Variants in AKR1C3 observed in about 807,000 individuals in gnomAD.
The protein encoded by AKR1C3 is aldo-keto reductase family 1 member C3.
A neutral mutation model predicts 43.6 loss-of-function variants in AKR1C3; 48 were observed. The observed-to-expected ratio is 1.10, with a 90% CI of 0.87 to 1.40. AKR1C3 has a LOEUF of 1.40. Among genes scored for constraint, AKR1C3 ranks in the 40% most tolerant of loss-of-function variants. The probability of loss-of-function intolerance (pLI) is 0.00; values close to 1 mark genes in which losing one functional copy is unlikely to be tolerated. For missense variants in AKR1C3, 482 were observed against 391.2 expected (o/e 1.23, Z -1.96); for synonymous variants, 162 against 139.6 (o/e 1.16, Z -1.13).
rs782364623 is a variant in AKR1C3, at chr10:5,105,570, AAT to A, written c.847-23_847-22del. 3.3e-5 allele frequency: 53 copies of A among 1,589,456 alleles called. No homozygotes were observed. In the South Asian group the frequency reaches 5.5e-4, roughly 16 times the overall value. ...GATTCACAACTGGCAATCTAAAAAT[AAT>A]AAAAGTTTTTTATTTCTGATAGGTT... On this transcript the variant is annotated intron_variant, in intron 7 of 8. Coordinates refer to ENST00000380554, the MANE Select transcript of AKR1C3 (RefSeq NM_003739.6).
intron 1 of AKR1C3, among the ~76,000 whole-genome samples, chr10:5,074,903 C>T (rs1229248493): frequency 6.6e-6 from 1 of 152,170 alleles, no homozygotes; most frequent in Non-Finnish European, 1.5e-5. Context: ...ATGTAAAATG[C>T]AGAGTCCCCA....
intron 6 of AKR1C3, 54 bp downstream of exon 6, chr10:5,102,264 T>C: frequency 6.3e-7 from 1 of 1,583,362 alleles, no homozygotes; most frequent in East Asian, 2.2e-5. Flanking sequence ...GAAAATTTTT[T>C]AGTCAGAGCA....
At chr10:5,053,883 C>G (rs1267718920) in intron 1 of AKR1C3, among the ~76,000 whole-genome samples, 2 of 152,196 alleles carry the variant, frequency 1.3e-5, no homozygotes, top group Non-Finnish European at 2.9e-5. Context: ...GTAAGACCAT[C>G]TGTAGCTTGA....
At chr10:5,072,763 T>C (rs1381947654) in intron 1 of AKR1C3, among the ~76,000 whole-genome samples, 1 of 152,164 alleles carries the variant, frequency 6.6e-6, no homozygotes, top group Non-Finnish European at 1.5e-5. Flanking sequence ...AAAAGAATGT[T>C]TGAAAGAATG....
intron 1 of AKR1C3, among the ~76,000 whole-genome samples, chr10:5,085,912 G>A (rs1315133648): frequency 4.6e-5 from 7 of 151,682 alleles, no homozygotes; most frequent in East Asian, 1.9e-4. Flanking sequence ...CTGAGGGATC[G>A]GTGGTGATAT....
At chr10:5,104,743 ATATCATTAATTT>A (rs1839456471) in intron 7 of AKR1C3, among the ~76,000 whole-genome samples, 1 of 152,138 alleles carries the variant, frequency 6.6e-6, no homozygotes, top group Non-Finnish European at 1.5e-5. Context: ...TTTAATATAT[ATATCATTAATTT>A]TATAACATTC....
intron 1 of AKR1C3, among the ~76,000 whole-genome samples, chr10:5,087,148 GT>G (rs1838984531): frequency 6.6e-6 from 1 of 152,178 alleles, no homozygotes; most frequent in African/African-American, 2.4e-5. Flanking sequence ...AGTTGATGCA[GT>G]TTCTTCCTAG....
At chr10:5,051,103 T>C (rs1156872277) in intron 1 of AKR1C3, among the ~76,000 whole-genome samples, 1 of 152,202 alleles carries the variant, frequency 6.6e-6, no homozygotes, top group East Asian at 1.9e-4. Context: ...TTTTGTTGTT[T>C]GTTTGTTTTG....
At chr10:5,104,973 TAG>T (rs1267340694) in intron 7 of AKR1C3, among the ~76,000 whole-genome samples, 1 of 152,114 alleles carries the variant, frequency 6.6e-6, no homozygotes, top group Non-Finnish European at 1.5e-5. Flanking sequence ...GTATCACTAT[TAG>T]AGTGATTTAG....
At chr10:5,061,366 T>C (rs1838379595) in intron 1 of AKR1C3, among the ~76,000 whole-genome samples, 3 of 152,096 alleles carry the variant, frequency 2.0e-5, no homozygotes, top group Admixed American at 6.5e-5. Context: ...ATGAGGGCTA[T>C]TGACAGGATG....
intron 5 of AKR1C3, among the ~76,000 whole-genome samples, chr10:5,100,456 C>T (rs1839319207): frequency 6.6e-6 from 1 of 152,154 alleles, no homozygotes; most frequent in Non-Finnish European, 1.5e-5. Context: ...TGTTTAAACA[C>T]ATCTATTCTA....
chr10:5,059,917 C>T (rs1308292831), intron 1 of AKR1C3, among the ~76,000 whole-genome samples: 4 of 151,460 alleles, frequency 2.6e-5, no homozygotes, highest in Non-Finnish European at 5.9e-5. Context: ...GTGAGTGTTA[C>T]AGTTCTTAAA....
rs548387990 is a variant in AKR1C3, at chr10:5,059,922, C to G, written c.84+11027C>G. ...GACCCTCGCAGTGAGTGTTACAGTT[C>G]TTAAAGGCAGCATGTCTGGAGTTTT... On this transcript the variant is annotated intron_variant, in intron 1 of 8. Transcript: ENST00000439082. Among the ~76,000 whole-genome samples, 10 of 151,478 alleles carry G rather than the reference C, an allele frequency of 6.6e-5. No homozygotes were observed. In the South Asian group the frequency reaches 1.9e-3, roughly 28 times the overall value.
chr10:5,049,300 G>A (rs79930454), intron 1 of AKR1C3, among the ~76,000 whole-genome samples: 5,640 of 152,158 alleles, frequency 0.037, 365 homozygotes, highest in African/African-American at 0.13. Flanking sequence ...AAGAATTTTT[G>A]TGGCAAAATT....
In AKR1C3 at chr10:5,107,564, C is replaced by G. The variant is rs374107060; in HGVS notation, c.*61C>G. 1,723 of 1,346,412 alleles carry G rather than the reference C, an allele frequency of 1.3e-3. 7 individuals carry two copies. Among genetic ancestry groups the G allele is most frequent in the South Asian group, 5.7e-3 (474 of 83,348 alleles). 83.4% of individuals were successfully genotyped at this position (1,346,412 alleles called of 1,614,324 possible). On this transcript the variant is annotated 3_prime_UTR_variant, in exon 9 of 9. Coordinates refer to ENST00000380554, the MANE Select transcript of AKR1C3 (RefSeq NM_003739.6). ...TGTGTGTGGATGGTGACGCAGAGGA[C>G]GTCTCTATGCCGGTGACTGGACATA...
intron 5 of AKR1C3, among the ~76,000 whole-genome samples, chr10:5,100,302 AAG>A (rs1190167705): frequency 1.3e-5 from 2 of 152,210 alleles, no homozygotes; most frequent in Non-Finnish European, 2.9e-5. Context: ...CTCAAAAAAA[AAG>A]AGAAAAATTA....
intron 5 of AKR1C3, among the ~76,000 whole-genome samples, chr10:5,101,436 A>T (rs1839348369): frequency 6.7e-6 from 1 of 148,784 alleles, no homozygotes; most frequent in Non-Finnish European, 1.5e-5. Flanking sequence ...TCACCAAATC[A>T]AAATGAAGAA....
chr10:5,103,333 GTTTA>G (rs747299617), intron 7 of AKR1C3, among the ~76,000 whole-genome samples: 87 of 81,130 alleles, frequency 1.1e-3, no homozygotes, highest in Non-Finnish European at 1.3e-3. Context: ...TGTACTGCCT[GTTTA>G]AGTCTTTCTT....
intron 5 of AKR1C3, among the ~76,000 whole-genome samples, chr10:5,101,613 A>ATTAAT (rs1554785991): frequency 6.6e-6 from 1 of 151,982 alleles, no homozygotes; most frequent in Non-Finnish European, 1.5e-5. Flanking sequence ...AAGATTTTTA[A>ATTAAT]TTAATTTTAT....
Sources: allele counts gnomAD v4.1 joint callset (sites outside exome capture counted in the v4.1 genomes callset), GRCh38; gene constraint gnomAD v4.1.1; transcripts MANE v1.5; gene names NCBI Gene and HGNC (gene_info 2026-07-23, HGNC 2026-07-21).